SLC7A7: variants seen among roughly 807,000 people sequenced by gnomAD.
The protein encoded by SLC7A7 is Y+L amino acid transporter 1.
Under a neutral mutation model 47.9 loss-of-function variants are expected in SLC7A7, and 39 were observed. That is an observed-to-expected ratio of 0.81 (90% CI 0.63 to 1.06). The LOEUF (loss-of-function observed/expected upper bound fraction) is 1.06. Ranked by LOEUF, SLC7A7 falls within the 50% of genes least tolerant of loss-of-function variation. The probability of loss-of-function intolerance (pLI) is 0.00; values close to 1 mark genes in which losing one functional copy is unlikely to be tolerated. For missense variants in SLC7A7, 588 were observed against 632.0 expected (o/e 0.93, Z 0.75); for synonymous variants, 234 against 242.8 (o/e 0.96, Z 0.34).
rs1223369796 is a variant in SLC7A7, at chr14:22,774,391, A to G, written c.1208T>C (p.Leu403Pro). The G allele has an allele frequency of 1.9e-6, 3 of 1,614,034 alleles. No homozygotes were observed. The highest frequency in any genetic ancestry group is 2.5e-6 in the Non-Finnish European group (3 of 1,180,028). Reference sequence around the variant, plus strand: ...AGGTCGATCAGGCTCCTTCCAGCGCAGATAAAGCTGACCCACAATAGAAAG... The same window carrying G: ...AGGTCGATCAGGCTCCTTCCAGCGCGGATAAAGCTGACCCACAATAGAAAG... Reference protein sequence around the residue: ...VGLSIVGQLYLRWKEPDRPRP... With the variant: ...VGLSIVGQLYPRWKEPDRPRP... The change falls in exon 8 of 10, where the codon CTG (leucine) becomes CCG (proline). Residue 403 changes from leucine to proline, a missense_variant. Leu to Pro is a moderately conservative substitution (Grantham distance 98). Coordinates refer to ENST00000674313, the MANE Select transcript of SLC7A7 (RefSeq NM_003982.4).
chr14:22,782,794 A>T (rs1192498224), intron 2 of SLC7A7, among the ~76,000 whole-genome samples: 3 of 149,078 alleles, frequency 2.0e-5, no homozygotes, highest in Non-Finnish European at 4.5e-5. Flanking sequence ...TGGGGATCTC[A>T]CTCTTTCACC....
chr14:22,779,489 C>T (rs530601753), intron 3 of SLC7A7, among the ~76,000 whole-genome samples: 2 of 151,076 alleles, frequency 1.3e-5, no homozygotes, highest in African/African-American at 4.9e-5. Flanking sequence ...GAGTCTCGCT[C>T]TGTCGCCCAG....
At chr14:22,784,926 C>T (rs1202112157) in intron 2 of SLC7A7, among the ~76,000 whole-genome samples, 1 of 152,206 alleles carries the variant, frequency 6.6e-6, no homozygotes, top group Admixed American at 6.5e-5. Context: ...CACAATGTAA[C>T]ACACAAAACT....
chr14:22,819,402 G>C (rs1367986695), upstream of SLC7A7, among the ~76,000 whole-genome samples: 1 of 127,766 alleles, frequency 7.8e-6, no homozygotes, highest in African/African-American at 3.3e-5. Flanking sequence ...GGCTAAGACA[G>C]TCTCTTTAAA....
chr14:22,780,095 C>T, intron 2 of SLC7A7, 44 bp from the exon 3 acceptor site: 2 of 1,611,894 alleles, frequency 1.2e-6, no homozygotes, highest in East Asian at 2.2e-5. Context: ...CCTTACCACC[C>T]TAGGGCCTTA....
At chr14:22,775,592 C>T in intron 6 of SLC7A7, 52 bp from the exon 7 acceptor site, 1 of 1,447,762 alleles carries the variant, frequency 6.9e-7, no homozygotes, top group Non-Finnish European at 9.7e-7. Context: ...CACGGTGCAG[C>T]CTGGTTCACC....
chr14:22,819,715 G>A (rs1455472065), upstream of SLC7A7: 1 of 152,528 alleles, frequency 6.6e-6, no homozygotes, highest in Admixed American at 6.5e-5. Flanking sequence ...GTGCTAGTTA[G>A]GAGAACCAAG....
At chr14:22,782,768 GT>G (rs34772384) in intron 2 of SLC7A7, among the ~76,000 whole-genome samples, 9 of 145,308 alleles carry the variant, frequency 6.2e-5, no homozygotes, top group African/African-American at 1.8e-4. Context: ...GTCCCTTTTT[GT>G]TTTTTTTTTG....
chr14:22,809,474 G>C (rs758808816), intron 2 of SLC7A7, among the ~76,000 whole-genome samples: 7 of 151,952 alleles, frequency 4.6e-5, no homozygotes, highest in African/African-American at 7.3e-5. Flanking sequence ...CCAAGTAGCT[G>C]GGACTATAGG....
intron 2 of SLC7A7, among the ~76,000 whole-genome samples, chr14:22,808,193 G>A (rs2039245282): frequency 6.6e-6 from 1 of 151,184 alleles, no homozygotes. Context: ...TGCCCCATTT[G>A]CTCTTATGGT....
intron 8 of SLC7A7, 46 bp downstream of exon 8, chr14:22,774,308 C>T (rs911335778): frequency 6.2e-7 from 1 of 1,613,886 alleles, no homozygotes; most frequent in Non-Finnish European, 8.5e-7. Flanking sequence ...GTAGCAACAA[C>T]TCCAGCTGTT....
intron 2 of SLC7A7, among the ~76,000 whole-genome samples, chr14:22,806,895 C>CT (rs397852982): frequency 0.67 from 82,332 of 123,592 alleles, 29,849 homozygotes; most frequent in East Asian, 0.81. Flanking sequence ...CCACTGTTAA[C>CT]TTTTTTTTTT....
upstream of SLC7A7, among the ~76,000 whole-genome samples, chr14:22,816,934 C>T (rs568460256): frequency 2.8e-4 from 43 of 152,096 alleles, no homozygotes; most frequent in African/African-American, 1.0e-3. Flanking sequence ...AGGAGACTCT[C>T]CTTTTCTCCA....
At chr14:22,818,004 G>T (rs2039429902), upstream of SLC7A7, among the ~76,000 whole-genome samples, 2 of 151,450 alleles carry the variant, frequency 1.3e-5, no homozygotes, top group South Asian at 4.1e-4. Flanking sequence ...TATTGCTAGG[G>T]TGCCCACTTC....
At chr14:22,776,615 T>C (rs896206998) in intron 4 of SLC7A7, among the ~76,000 whole-genome samples, 2 of 152,060 alleles carry the variant, frequency 1.3e-5, no homozygotes, top group East Asian at 3.9e-4. Context: ...GGGAGATGGC[T>C]CGAGTCTAGG....
chr14:22,780,875 A>C (rs1244079790), intron 2 of SLC7A7, among the ~76,000 whole-genome samples: 1 of 152,206 alleles, frequency 6.6e-6, no homozygotes, highest in Non-Finnish European at 1.5e-5. Context: ...CTTTTATCAG[A>C]ATCTCAAGTC....
intron 2 of SLC7A7, among the ~76,000 whole-genome samples, chr14:22,795,838 A>G (rs2065045): frequency 0.96 from 145,604 of 152,188 alleles, 69,864 homozygotes; most frequent in Non-Finnish European, 1. Context: ...GCTGCCCAGC[A>G]TCTTCCGCAA....
At chr14:22,783,358 A>G (rs1328238891) in intron 2 of SLC7A7, among the ~76,000 whole-genome samples, 1 of 150,668 alleles carries the variant, frequency 6.6e-6, no homozygotes, top group Admixed American at 6.6e-5. Flanking sequence ...GAGCCATGGC[A>G]CCTGGGTGGC....
chr14:22,774,327 A>T (rs756806900), intron 8 of SLC7A7, 27 bp downstream of exon 8: 6 of 1,614,014 alleles, frequency 3.7e-6, no homozygotes, highest in Non-Finnish European at 5.1e-6. Context: ...TTTCAGGTGG[A>T]GCAGAGGTAG....
Sources: allele counts gnomAD v4.1 joint callset (sites outside exome capture counted in the v4.1 genomes callset), GRCh38; gene constraint gnomAD v4.1.1; transcripts MANE v1.5; gene names NCBI Gene and HGNC (gene_info 2026-07-23, HGNC 2026-07-21).